Variants in SYT1 observed in about 807,000 individuals in gnomAD.
SYT1 encodes the protein synaptotagmin-1.
SYT1 carries 8 observed loss-of-function variants against 44.8 expected under a neutral mutation model. The ratio of observed to expected loss-of-function variants is 0.18; its 90% CI spans 0.10 to 0.32. The LOEUF (loss-of-function observed/expected upper bound fraction) is 0.32, where lower values mean the gene tolerates loss of function less well. SYT1 is among the 10% of genes least tolerant of loss of function. The pLI is 1.00. For missense variants in SYT1, 286 were observed against 509.3 expected, an observed-to-expected ratio of 0.56 and a Z score of 4.22; for synonymous variants, 154 against 188.8, an observed-to-expected ratio of 0.82 and a Z score of 1.51.
chr12:79,327,412 T>G (rs902319923), intron 8 of SYT1, among the ~76,000 whole-genome samples: 11 of 152,162 alleles, frequency 7.2e-5, no homozygotes, highest in Non-Finnish European at 1.2e-4. Flanking sequence ...AATCTGTGTT[T>G]TAACTCAGAT....
intron 3 of SYT1, among the ~76,000 whole-genome samples, chr12:79,203,662 A>T (rs952580387): frequency 8.5e-5 from 13 of 152,204 alleles, no homozygotes; most frequent in Admixed American, 7.2e-4. Context: ...TTAAATTGAA[A>T]GGAAGGAATA....
chr12:79,344,159 T>A (rs185543546), intron 8 of SYT1, among the ~76,000 whole-genome samples: 85 of 152,314 alleles, frequency 5.6e-4, no homozygotes, highest in African/African-American at 1.8e-3. Flanking sequence ...TTCACCTCCT[T>A]CAAATCCTTC....
At chr12:79,252,013 A>AGATAGATAGATAATG (rs1412089790) in intron 4 of SYT1, among the ~76,000 whole-genome samples, 1 of 84,874 alleles carries the variant, frequency 1.2e-5, no homozygotes, top group Non-Finnish European at 2.4e-5. Context: ...GATAGATAAT[A>AGATAGATAGATAATG]TATAGACAGA....
intron 3 of SYT1, among the ~76,000 whole-genome samples, chr12:79,213,661 A>C (rs1874602500): frequency 6.6e-6 from 1 of 152,352 alleles, no homozygotes; most frequent in Admixed American, 6.5e-5. Flanking sequence ...CTGATGGCTC[A>C]TGCCTGTAAT....
chr12:79,271,197 A>T (rs1055958443), intron 4 of SYT1, among the ~76,000 whole-genome samples: 17 of 152,206 alleles, frequency 1.1e-4, no homozygotes, highest in Admixed American at 6.5e-5. Flanking sequence ...TGCTCAATTA[A>T]AGAGAAAGAT....
chr12:79,239,809 G>C (rs1414382461), intron 4 of SYT1, among the ~76,000 whole-genome samples: 1 of 152,116 alleles, frequency 6.6e-6, no homozygotes, highest in Admixed American at 6.5e-5. Flanking sequence ...AGACTTTTTG[G>C]CAGAAATTCT....
rs893426999 is a variant in SYT1, at chr12:79,113,567, T to C, written c.-18+66205T>C. Reference sequence around the variant, plus strand: ...TGTAGTAGCATATTAAAGTCTAACATGTGCTACCTAAAAATAAAACCTATT... The same window carrying C: ...TGTAGTAGCATATTAAAGTCTAACACGTGCTACCTAAAAATAAAACCTATT... On this transcript the variant is annotated intron_variant, in intron 3 of 10. Coordinates refer to ENST00000261205, the MANE Select transcript of SYT1 (RefSeq NM_005639.3). Among the ~76,000 whole-genome samples the C allele has an allele frequency of 8.6e-4, 131 of 152,172 alleles. 9 individuals carry two copies. The highest frequency in any genetic ancestry group is 1.4e-3 in the Admixed American group (22 of 15,254).
intron 1 of SYT1, among the ~76,000 whole-genome samples, chr12:78,924,181 A>G (rs1006368606): frequency 6.6e-6 from 1 of 151,958 alleles, no homozygotes; most frequent in Admixed American, 6.6e-5. Context: ...TCATATCAGA[A>G]GGCCCATGGT....
At chr12:79,370,337 G>C (rs1014602326) in intron 9 of SYT1, among the ~76,000 whole-genome samples, 2 of 152,134 alleles carry the variant, frequency 1.3e-5, no homozygotes, top group African/African-American at 2.4e-5. Context: ...AAAAATGTGA[G>C]AAAAGAATTG....
chr12:78,977,536 G>C (rs540732907), intron 1 of SYT1: 88 of 152,294 alleles, frequency 5.8e-4, no homozygotes, highest in African/African-American at 1.7e-3. Context: ...GAAGATGTCA[G>C]AATGATATGA....
intron 8 of SYT1, among the ~76,000 whole-genome samples, chr12:79,331,327 A>G (rs1466301433): frequency 6.6e-6 from 1 of 152,152 alleles, no homozygotes; most frequent in Admixed American, 6.6e-5. Flanking sequence ...AAGTGGTCAT[A>G]TATATCTATG....
At position 79,256,901 on chromosome 12, in the gene SYT1, T is replaced by C. The variant is rs540392501; in HGVS notation, c.167-28886T>C. 3.3e-5 allele frequency among the ~76,000 whole-genome samples: 5 copies of C among 152,328 alleles called. No homozygotes were observed. In the South Asian group the frequency reaches 1.0e-3, roughly 32 times the overall value. ...CGCAGGGTATACCCATGATTCATCT[T>C]TAAATTAACTTCAGGAAATCTCAAA... is the stretch of plus-strand genomic sequence containing the variant. On this transcript the variant is annotated intron_variant, in intron 4 of 10. Transcript: ENST00000261205.
intron 1 of SYT1, chr12:78,960,834 G>A (rs1879463161): frequency 6.6e-6 from 1 of 152,058 alleles, no homozygotes; most frequent in Admixed American, 6.6e-5. Context: ...GTTTATACTT[G>A]AATTGCAAGA....
In SYT1 at chr12:79,163,651, G is replaced by A. The variant is rs564327121; in HGVS notation, c.-17-53852G>A. On this transcript the variant is annotated intron_variant, in intron 3 of 10. Coordinates refer to ENST00000261205, the MANE Select transcript of SYT1 (RefSeq NM_005639.3). ...TGAAAACTCTGCTCTTTCTATTGCC[G>A]TTCTCGTTCCTCTGCAGGTCAGCTG... is the stretch of plus-strand genomic sequence containing the variant. Among the ~76,000 whole-genome samples the A allele has an allele frequency of 1.3e-3, 191 of 152,090 alleles. 1 individual carries two copies. The highest frequency in any genetic ancestry group is 2.2e-3 in the Non-Finnish European group (151 of 67,970).
chr12:79,091,508 A>T (rs550878261), intron 3 of SYT1, among the ~76,000 whole-genome samples: 63 of 152,140 alleles, frequency 4.1e-4, no homozygotes, highest in African/African-American at 1.5e-3. Flanking sequence ...TGAAGTGTGG[A>T]TAGACAGTGA....
In SYT1 at chr12:79,349,377, A is replaced by G. The variant is rs12299910; in HGVS notation, c.811-4125A>G. 8.0e-3 allele frequency among the ~76,000 whole-genome samples: 1,223 copies of G among 152,336 alleles called. 23 individuals carry two copies. The highest frequency in any genetic ancestry group is 0.028 in the African/African-American group (1,173 of 41,576). On this transcript the variant is annotated intron_variant, in intron 8 of 10. Transcript: ENST00000261205. ...TTGAGGGGAGGGATTGGTATTGAAC[A>G]TTAATTTAGTTACAGATATAAAGTA... is the stretch of plus-strand genomic sequence containing the variant.
At chr12:79,287,191 TG>T in intron 5 of SYT1, among the ~76,000 whole-genome samples, 1 of 152,348 alleles carries the variant, frequency 6.6e-6, no homozygotes, top group Non-Finnish European at 1.5e-5. Context: ...CCTGCATTTT[TG>T]TTCTGTTTTG....
At chr12:79,273,602 C>T (rs1743906561) in intron 4 of SYT1, among the ~76,000 whole-genome samples, 1 of 152,114 alleles carries the variant, frequency 6.6e-6, no homozygotes, top group Non-Finnish European at 1.5e-5. Context: ...CAGGGGAGCG[C>T]CTTAACCCTA....
intron 8 of SYT1, among the ~76,000 whole-genome samples, chr12:79,347,867 G>T (rs373540360): frequency 2.6e-4 from 39 of 152,276 alleles, no homozygotes; most frequent in African/African-American, 8.7e-4. Flanking sequence ...GTTTAGGACT[G>T]CATTGGACTA....
Sources: gnomAD v4.1 joint callset for allele counts (sites outside exome capture counted in the v4.1 genomes callset) on GRCh38, gnomAD v4.1.1 for gene constraint, MANE v1.5 for transcripts, NCBI Gene and HGNC (gene_info 2026-07-23, HGNC 2026-07-21) for gene names.